Variants in CLDN10 observed in about 807,000 individuals in gnomAD.
The protein encoded by CLDN10 is claudin 10.
CLDN10 carries 15 observed loss-of-function variants against 22.9 expected under a neutral mutation model. The observed-to-expected ratio is 0.65, with a 90% CI of 0.44 to 1.01. The LOEUF is 1.01. CLDN10 is among the 50% of genes least tolerant of loss of function. The pLI is 0.00. For synonymous variants in CLDN10, 114 were observed against 111.4 expected, an observed-to-expected ratio of 1.02 and a Z score of -0.15; for missense variants, 247 against 287.8, an observed-to-expected ratio of 0.86 and a Z score of 1.03.
chr13:95,520,852 C>A (rs182738493), intron 1 of CLDN10, among the ~76,000 whole-genome samples: 11 of 151,972 alleles, frequency 7.2e-5, no homozygotes, highest in Admixed American at 4.6e-4. Flanking sequence ...TAGTGGCATG[C>A]GCCTGTAGTC....
chr13:95,480,763 C>T (rs2042738410), intron 1 of CLDN10, among the ~76,000 whole-genome samples: 1 of 152,302 alleles, frequency 6.6e-6, no homozygotes, highest in East Asian at 1.9e-4. Flanking sequence ...TCAGAACACA[C>T]GTTGAGAAAT....
At chr13:95,449,625 G>T (rs1158290815) in intron 1 of CLDN10, among the ~76,000 whole-genome samples, 2 of 151,980 alleles carry the variant, frequency 1.3e-5, no homozygotes, top group Non-Finnish European at 2.9e-5. Context: ...GGCGTGCAGT[G>T]GTGTGATCAT....
intron 1 of CLDN10, among the ~76,000 whole-genome samples, chr13:95,471,406 CACACACACATAT>C (rs1480293022): frequency 3.0e-5 from 4 of 133,954 alleles, no homozygotes; most frequent in African/African-American, 5.9e-5. Context: ...TGTATATATA[CACACACACATAT>C]ACACACACAC....
intron 3 of CLDN10, among the ~76,000 whole-genome samples, chr13:95,574,544 T>C (rs770436511): frequency 1.1e-4 from 16 of 152,052 alleles, no homozygotes; most frequent in Non-Finnish European, 1.9e-4. Flanking sequence ...CTGAGGTGGG[T>C]GGATCACCTG....
intron 1 of CLDN10, among the ~76,000 whole-genome samples, chr13:95,534,599 A>G (rs2043380624): frequency 6.6e-6 from 1 of 152,202 alleles, no homozygotes; most frequent in Admixed American, 6.5e-5. Context: ...AATTTAGTAT[A>G]ATGCATGATT....
At chr13:95,527,697 T>C (rs529577670) in intron 1 of CLDN10, among the ~76,000 whole-genome samples, 16 of 152,234 alleles carry the variant, frequency 1.1e-4, no homozygotes, top group African/African-American at 3.9e-4. Flanking sequence ...GATTGCACCA[T>C]TGCACTCCAG....
intron 1 of CLDN10, among the ~76,000 whole-genome samples, chr13:95,467,681 G>A (rs1319484041): frequency 2.0e-5 from 3 of 152,188 alleles, no homozygotes; most frequent in Non-Finnish European, 2.9e-5. Flanking sequence ...GAGAGAGAAA[G>A]AAGGATTTAT....
intron 1 of CLDN10, among the ~76,000 whole-genome samples, chr13:95,472,631 C>T (rs138363541): frequency 0.024 from 3,559 of 149,432 alleles, 56 homozygotes; most frequent in Middle Eastern, 0.056. Flanking sequence ...GATCACACCA[C>T]TGCACTCCAG....
chr13:95,528,438 G>A (rs1469350302), intron 1 of CLDN10: 2 of 152,322 alleles, frequency 1.3e-5, no homozygotes, highest in Non-Finnish European at 2.9e-5. Flanking sequence ...ACCCAGTCTC[G>A]AGTATGTCTT....
intron 1 of CLDN10, among the ~76,000 whole-genome samples, chr13:95,533,489 G>A (rs2043368351): frequency 6.6e-6 from 1 of 152,062 alleles, no homozygotes; most frequent in Non-Finnish European, 1.5e-5. Flanking sequence ...GTTTTCCAAT[G>A]GGACTATTTG....
At chr13:95,439,919 C>T (rs1404336849) in intron 1 of CLDN10, among the ~76,000 whole-genome samples, 1 of 147,068 alleles carries the variant, frequency 6.8e-6, no homozygotes, top group Non-Finnish European at 1.5e-5. Context: ...AATATTAACC[C>T]TTTTTTTTTT....
chr13:95,541,438 T>A (rs1054434796), intron 1 of CLDN10, among the ~76,000 whole-genome samples: 1 of 152,236 alleles, frequency 6.6e-6, no homozygotes, highest in Non-Finnish European at 1.5e-5. Context: ...CCTCTCTTGC[T>A]AGCTGCATAT....
chr13:95,447,617 G>T (rs2042393202), intron 1 of CLDN10, among the ~76,000 whole-genome samples: 1 of 152,006 alleles, frequency 6.6e-6, no homozygotes, highest in Admixed American at 6.6e-5. Flanking sequence ...CCTCTCCTTT[G>T]CCTCCCTGCT....
intron 1 of CLDN10, among the ~76,000 whole-genome samples, chr13:95,504,034 G>A (rs532192994): frequency 1.3e-5 from 2 of 152,254 alleles, no homozygotes; most frequent in South Asian, 4.1e-4. Context: ...GAGTAGTCAT[G>A]GATACTACAT....
At chr13:95,519,843 G>C (rs570793863) in intron 1 of CLDN10, among the ~76,000 whole-genome samples, 1 of 152,348 alleles carries the variant, frequency 6.6e-6, no homozygotes, top group East Asian at 1.9e-4. Context: ...AAAGAGGAAA[G>C]GGAGAGGAAA....
At chr13:95,448,629 C>T (rs560664860) in intron 1 of CLDN10, among the ~76,000 whole-genome samples, 33 of 152,334 alleles carry the variant, frequency 2.2e-4, no homozygotes, top group African/African-American at 7.7e-4. Flanking sequence ...GAAAAGTTAG[C>T]TCCTGCCTCC....
chr13:95,520,038 G>A (rs115911311), intron 1 of CLDN10, among the ~76,000 whole-genome samples: 3 of 152,246 alleles, frequency 2.0e-5, no homozygotes, highest in Non-Finnish European at 2.9e-5. Flanking sequence ...GTGCACGTGC[G>A]TACGCGTGCA....
intron 1 of CLDN10, among the ~76,000 whole-genome samples, chr13:95,452,660 T>A (rs2042442271): frequency 6.6e-6 from 1 of 152,200 alleles, no homozygotes; most frequent in Non-Finnish European, 1.5e-5. Context: ...AAGGTAAACA[T>A]AAAGTACCAT....
chr13:95,474,773 A>G (rs1394154028), intron 1 of CLDN10, among the ~76,000 whole-genome samples: 3 of 152,068 alleles, frequency 2.0e-5, no homozygotes, highest in African/African-American at 7.2e-5. Flanking sequence ...TCCAAGGAGG[A>G]GAGAGACCTG....
Sources: gnomAD v4.1 joint callset for allele counts (sites outside exome capture counted in the v4.1 genomes callset) on GRCh38, gnomAD v4.1.1 for gene constraint, MANE v1.5 for transcripts, NCBI Gene and HGNC (gene_info 2026-07-23, HGNC 2026-07-21) for gene names.